Variants in FAM168A observed in about 807,000 individuals in gnomAD.
FAM168A encodes the protein family with sequence similarity 168 member A.
Under a neutral mutation model 28.5 loss-of-function variants are expected in FAM168A, and 3 were observed. The ratio of observed to expected loss-of-function variants is 0.11; its 90% CI spans 0.05 to 0.27. The LOEUF is 0.27. FAM168A is among the 10% of genes least tolerant of loss of function. The probability of loss-of-function intolerance (pLI) is 1.00; values close to 1 mark genes in which losing one functional copy is unlikely to be tolerated. For synonymous variants in FAM168A, 122 were observed against 124.2 expected, an observed-to-expected ratio of 0.98 and a Z score of 0.12; for missense variants, 222 against 311.5, an observed-to-expected ratio of 0.71 and a Z score of 2.16.
intron 2 of FAM168A, among the ~76,000 whole-genome samples, chr11:73,432,851 C>T (rs1182659141): frequency 6.6e-6 from 1 of 151,978 alleles, no homozygotes; most frequent in Non-Finnish European, 1.5e-5. Flanking sequence ...CCACTGCACT[C>T]CAGCCTGGTG....
intron 3 of FAM168A, among the ~76,000 whole-genome samples, chr11:73,426,584 C>T (rs1326335469): frequency 1.3e-5 from 2 of 152,156 alleles, no homozygotes; most frequent in African/African-American, 2.4e-5. Context: ...CTTGAGCCAG[C>T]TTCTCCATGG....
chr11:73,461,310 G>A (rs1867643028), intron 2 of FAM168A, among the ~76,000 whole-genome samples: 1 of 151,884 alleles, frequency 6.6e-6, no homozygotes, highest in Admixed American at 6.6e-5. Context: ...TAGAGATGAG[G>A]TCTCGCCATG....
intron 1 of FAM168A, among the ~76,000 whole-genome samples, chr11:73,553,367 T>C (rs1486038659): frequency 6.6e-6 from 1 of 152,148 alleles, no homozygotes; most frequent in African/African-American, 2.4e-5. Context: ...AGAAAGACCA[T>C]GACCAAATGA....
At chr11:73,543,536 C>T (rs1365339884) in intron 1 of FAM168A, among the ~76,000 whole-genome samples, 2 of 152,146 alleles carry the variant, frequency 1.3e-5, no homozygotes, top group East Asian at 1.9e-4. Flanking sequence ...GCTGGGATTA[C>T]AGGCATGAGC....
At chr11:73,500,627 C>A (rs994697380) in intron 1 of FAM168A, among the ~76,000 whole-genome samples, 1 of 152,098 alleles carries the variant, frequency 6.6e-6, no homozygotes. Flanking sequence ...CCTTTCCAGA[C>A]AAGCAAATGC....
chr11:73,448,939 GT>G (rs899067352), intron 2 of FAM168A, among the ~76,000 whole-genome samples: 1 of 151,800 alleles, frequency 6.6e-6, no homozygotes, highest in African/African-American at 2.4e-5. Context: ...GTTTTGTTTT[GT>G]TTTTTTCTCT....
chr11:73,430,868 T>G (rs1263268833), intron 2 of FAM168A, 98 bp from the exon 3 acceptor site: 38 of 966,440 alleles, frequency 3.9e-5, no homozygotes, highest in Non-Finnish European at 5.3e-5. Context: ...GGAAATAGAA[T>G]CCAAGTCCTA....
At chr11:73,503,118 CCTATT>C (rs1339103024) in intron 1 of FAM168A, among the ~76,000 whole-genome samples, 1 of 152,124 alleles carries the variant, frequency 6.6e-6, no homozygotes, top group Non-Finnish European at 1.5e-5. Flanking sequence ...TCTCACCACT[CCTATT>C]CAACATAGTA....
intron 1 of FAM168A, among the ~76,000 whole-genome samples, chr11:73,555,960 A>C (rs562277647): frequency 2.4e-4 from 37 of 152,144 alleles, no homozygotes; most frequent in Non-Finnish European, 4.3e-4. Flanking sequence ...GGAAAAAAAG[A>C]AAAAGAGAAA....
intron 1 of FAM168A, among the ~76,000 whole-genome samples, chr11:73,484,614 A>ATC (rs1868022470): frequency 2.5e-5 from 3 of 118,928 alleles, no homozygotes; most frequent in Non-Finnish European, 5.7e-5. Context: ...ATATCGATAT[A>ATC]TATCTATATA....
intron 1 of FAM168A, among the ~76,000 whole-genome samples, chr11:73,525,340 T>C (rs1286518941): frequency 6.6e-6 from 1 of 152,114 alleles, no homozygotes. Context: ...CAAATGTCTA[T>C]GGGTCAGTTT....
At position 73,401,152 on chromosome 11, in the gene FAM168A, A is replaced by T. The variant is rs1330439731; in HGVS notation, c.*5611T>A. The T allele has an allele frequency of 6.6e-6, 1 of 151,546 alleles. No homozygotes were observed. Among genetic ancestry groups the T allele is most frequent in the East Asian group, 1.9e-4 (1 of 5,202 alleles). 9.4% of individuals were successfully genotyped at this position (151,546 alleles called of 1,614,324 possible). A position where few individuals can be genotyped will look rare whatever the true frequency, so the allele number is the denominator to read the frequency against. ...TTTTTAAAATGTGAGTTCCAATAAA[A>T]TTTAAAAATTAGATTCCAACCTGTA... On this transcript the variant is annotated 3_prime_UTR_variant, in exon 8 of 8. Transcript: ENST00000356467.
chr11:73,433,944 C>T (rs1590771806), intron 2 of FAM168A, among the ~76,000 whole-genome samples: 1 of 144,840 alleles, frequency 6.9e-6, no homozygotes, highest in East Asian at 2.1e-4. Flanking sequence ...CTCCCGGGTT[C>T]AAGAGATTAT....
chr11:73,513,164 A>G (rs1855258579), intron 1 of FAM168A, among the ~76,000 whole-genome samples: 2 of 149,068 alleles, frequency 1.3e-5, no homozygotes, highest in Admixed American at 1.3e-4. Context: ...AACAGAAATG[A>G]CATGTCTCAC....
At chr11:73,501,722 C>T (rs1855013161) in intron 1 of FAM168A, among the ~76,000 whole-genome samples, 1 of 152,090 alleles carries the variant, frequency 6.6e-6, no homozygotes, top group African/African-American at 2.4e-5. Context: ...CACTAAATGC[C>T]CACATCAGAA....
rs1383767252 is a variant in FAM168A, at chr11:73,404,852, A to G, written c.*1911T>C. ...ATGTCCAAGTTTGCATGAATTTTAAATGAAAGCAGTTTTTTAAAGTCCCAA... is the reference window on the plus strand; with the variant it reads ...ATGTCCAAGTTTGCATGAATTTTAAGTGAAAGCAGTTTTTTAAAGTCCCAA... On this transcript the variant is annotated 3_prime_UTR_variant, in exon 8 of 8. Transcript: ENST00000356467. 6.6e-6 allele frequency: 1 copy of G among 152,242 alleles called. No homozygotes were observed. The highest frequency in any genetic ancestry group is 6.5e-5 in the Admixed American group (1 of 15,292). The allele number at this position is 152,242 out of a possible 1,614,324, so 9.4% of individuals were successfully genotyped here. A position where few individuals can be genotyped will look rare whatever the true frequency, so the allele number is the denominator to read the frequency against.
At chr11:73,449,205 A>G (rs1488452231) in intron 2 of FAM168A, among the ~76,000 whole-genome samples, 1 of 152,098 alleles carries the variant, frequency 6.6e-6, no homozygotes, top group African/African-American at 2.4e-5. Flanking sequence ...CCTGGGCTCA[A>G]ATGATCCTCT....
intron 3 of FAM168A, among the ~76,000 whole-genome samples, chr11:73,425,440 T>C (rs1475134496): frequency 6.6e-6 from 1 of 152,234 alleles, no homozygotes; most frequent in Non-Finnish European, 1.5e-5. Context: ...ATCACCATCT[T>C]TGGCCTCTAA....
At chr11:73,500,256 CTTTTTTTTT>C (rs57040993) in intron 1 of FAM168A, among the ~76,000 whole-genome samples, 1 of 122,596 alleles carries the variant, frequency 8.2e-6, no homozygotes, top group Non-Finnish European at 1.7e-5. Flanking sequence ...CCCAGAATTC[CTTTTTTTTT>C]TTTTTTTTTT....
Sources: gnomAD v4.1 joint callset for allele counts (sites outside exome capture counted in the v4.1 genomes callset) on GRCh38, gnomAD v4.1.1 for gene constraint, MANE v1.5 for transcripts, NCBI Gene and HGNC (gene_info 2026-07-23, HGNC 2026-07-21) for gene names.